TMEFF1: variants seen among roughly 807,000 people sequenced by gnomAD.
TMEFF1 encodes the protein tomoregulin-1.
In TMEFF1, 20 loss-of-function variants were observed where a neutral mutation model predicts 47.5. The ratio of observed to expected loss-of-function variants is 0.42; its 90% CI spans 0.30 to 0.61. The LOEUF (loss-of-function observed/expected upper bound fraction) is 0.61. Among genes scored for constraint, TMEFF1 ranks in the 20% least tolerant of loss-of-function variants. The probability of loss-of-function intolerance (pLI) is 0.19; values close to 1 mark genes in which losing one functional copy is unlikely to be tolerated. For synonymous variants in TMEFF1, 162 were observed against 166.3 expected, an observed-to-expected ratio of 0.97 and a Z score of 0.20; for missense variants, 411 against 471.1, an observed-to-expected ratio of 0.87 and a Z score of 1.18.
intron 5 of TMEFF1, among the ~76,000 whole-genome samples, chr9:100,521,185 G>A (rs59565932): frequency 0.18 from 27,876 of 152,162 alleles, 2,757 homozygotes; most frequent in South Asian, 0.31. Context: ...CATTGTATGT[G>A]TTTTATCTGT....
chr9:100,547,969 G>A, intron 6 of TMEFF1, 77 bp downstream of exon 6: 2 of 1,312,150 alleles, frequency 1.5e-6, no homozygotes, highest in South Asian at 2.9e-5. Context: ...ATTTGGTAGT[G>A]TTTCAAATTT....
At chr9:100,544,484 C>G (rs1228131928) in intron 5 of TMEFF1, among the ~76,000 whole-genome samples, 1 of 152,152 alleles carries the variant, frequency 6.6e-6, no homozygotes, top group Admixed American at 6.5e-5. Context: ...AAAGACCCAC[C>G]CCCATAATTC....
chr9:100,479,931 G>C (rs904868208), intron 1 of TMEFF1, among the ~76,000 whole-genome samples: 1 of 152,144 alleles, frequency 6.6e-6, no homozygotes, highest in African/African-American at 2.4e-5. Flanking sequence ...TTCACATTTT[G>C]AGGAATTACC....
chr9:100,507,031 C>G (rs1004002688), intron 2 of TMEFF1, among the ~76,000 whole-genome samples: 5 of 152,094 alleles, frequency 3.3e-5, no homozygotes, highest in Non-Finnish European at 7.4e-5. Flanking sequence ...CCCTCTCTCC[C>G]CACTGTAGTA....
At chr9:100,530,150 C>T (rs1424498623) in intron 5 of TMEFF1, among the ~76,000 whole-genome samples, 4 of 150,770 alleles carry the variant, frequency 2.7e-5, no homozygotes, top group African/African-American at 7.3e-5. Context: ...AGGAAAGATC[C>T]AAAATTGACA....
At chr9:100,549,559 C>T (rs749574846) in intron 6 of TMEFF1, among the ~76,000 whole-genome samples, 14 of 152,280 alleles carry the variant, frequency 9.2e-5, no homozygotes, top group Middle Eastern at 3.4e-3. Context: ...CTATGTCTTT[C>T]GTTTGCCTCC....
chr9:100,561,844 G>A (rs561332867), intron 8 of TMEFF1, among the ~76,000 whole-genome samples: 11 of 152,134 alleles, frequency 7.2e-5, no homozygotes, highest in African/African-American at 2.7e-4. Context: ...ACTAAAGACT[G>A]TATTAAGAAC....
chr9:100,538,242 G>T (rs1640580996), intron 5 of TMEFF1, among the ~76,000 whole-genome samples: 2 of 152,126 alleles, frequency 1.3e-5, no homozygotes, highest in African/African-American at 4.8e-5. Context: ...AGTTTTAGTA[G>T]AGATGGGGTT....
At chr9:100,508,966 AT>A in intron 2 of TMEFF1, 38 bp from the exon 3 acceptor site, 1 of 1,519,454 alleles carries the variant, frequency 6.6e-7, no homozygotes, top group Non-Finnish European at 8.8e-7. Flanking sequence ...ATTAATATTC[AT>A]GCCTAGTTCT....
intron 5 of TMEFF1, among the ~76,000 whole-genome samples, chr9:100,532,482 A>G (rs1205416332): frequency 2.0e-5 from 3 of 152,184 alleles, no homozygotes; most frequent in Admixed American, 1.3e-4. Context: ...AAAACACATG[A>G]AAAAATGCTC....
intron 5 of TMEFF1, among the ~76,000 whole-genome samples, chr9:100,535,331 C>A (rs1838482047): frequency 1.3e-5 from 2 of 152,144 alleles, no homozygotes; most frequent in South Asian, 4.1e-4. Flanking sequence ...TTGTTTTATC[C>A]CTTTCCTTAA....
intron 7 of TMEFF1, among the ~76,000 whole-genome samples, chr9:100,551,312 A>G (rs1227912577): frequency 6.6e-6 from 1 of 152,240 alleles, no homozygotes; most frequent in East Asian, 1.9e-4. Flanking sequence ...GGTAGCTGTT[A>G]TCATTGAGTA....
intron 1 of TMEFF1, among the ~76,000 whole-genome samples, chr9:100,490,321 A>G (rs1454579968): frequency 6.6e-6 from 1 of 152,222 alleles, no homozygotes; most frequent in African/African-American, 2.4e-5. Flanking sequence ...TAATATGATT[A>G]GTAAACAAGT....
chr9:100,551,548 G>C (rs1169551131), intron 7 of TMEFF1, among the ~76,000 whole-genome samples: 1 of 152,174 alleles, frequency 6.6e-6, no homozygotes, highest in Admixed American at 6.5e-5. Flanking sequence ...CTCATACTTA[G>C]GGCAGTTTGG....
At chr9:100,498,099 C>A (rs1205010691) in intron 1 of TMEFF1, among the ~76,000 whole-genome samples, 1 of 152,188 alleles carries the variant, frequency 6.6e-6, no homozygotes, top group Admixed American at 6.5e-5. Flanking sequence ...GGAGCAGGAG[C>A]AATATGACCA....
At chr9:100,498,208 T>C (rs1398281710) in intron 1 of TMEFF1, among the ~76,000 whole-genome samples, 2 of 152,182 alleles carry the variant, frequency 1.3e-5, no homozygotes, top group Non-Finnish European at 2.9e-5. Flanking sequence ...TTGAATCTCT[T>C]TAATTCTGTG....
At chr9:100,505,645 T>C (rs1313252757) in intron 2 of TMEFF1, among the ~76,000 whole-genome samples, 1 of 152,188 alleles carries the variant, frequency 6.6e-6, no homozygotes, top group Admixed American at 6.5e-5. Flanking sequence ...TGTATGGAAC[T>C]GTCCTTTCCT....
rs752676652 is a variant in TMEFF1 at position 100,473,562 on chromosome 9, T to C, written c.18T>C (p.Ala6=). MGAAA[A]EAPLRLPAAP... The stretch of plus-strand genomic sequence containing the variant: ...CACCAGTCATGGGCGCCGCAGCCGC[T>C]GAGGCGCCGCTCCGGCTGCCTGCCG... Residue 6 remains alanine (A), a synonymous_variant, in exon 1 of 10, where the codon GCT becomes GCC. Transcript: ENST00000374879. The surrounding 1 kb of genome is among the most constrained non-coding windows in gnomAD (Gnocchi z 5.4). 3.3e-6 allele frequency: 5 copies of C among 1,534,418 alleles called. No homozygotes were observed. In the African/African-American group the frequency reaches 4.2e-5, roughly 13 times the overall value.
intron 7 of TMEFF1, among the ~76,000 whole-genome samples, chr9:100,552,540 C>T (rs569219494): frequency 6.6e-6 from 1 of 152,150 alleles, no homozygotes; most frequent in African/African-American, 2.4e-5. Context: ...TCACTTTGTT[C>T]AGTATAAATT....
Sources: allele counts gnomAD v4.1 joint callset (sites outside exome capture counted in the v4.1 genomes callset), GRCh38; gene constraint gnomAD v4.1.1; non-coding constraint Gnocchi (gnomAD v3.1); transcripts MANE v1.5; gene names NCBI Gene and HGNC (gene_info 2026-07-23, HGNC 2026-07-21).